The following POC1A variants were observed in gnomAD, a reference collection of about 807,000 sequenced individuals.
The protein encoded by POC1A is POC1 centriolar protein homolog A.
Under a neutral mutation model 47.8 loss-of-function variants are expected in POC1A, and 34 were observed. That is an observed-to-expected ratio of 0.71 (90% CI 0.54 to 0.95). POC1A has a LOEUF of 0.95. Among genes scored for constraint, POC1A ranks in the 40% least tolerant of loss-of-function variants. The pLI is 0.00. For synonymous variants in POC1A, 177 were observed against 207.6 expected, an observed-to-expected ratio of 0.85 and a Z score of 1.27; for missense variants, 466 against 528.3, an observed-to-expected ratio of 0.88 and a Z score of 1.16.
chr3:52,101,339 C>A (rs538471708), intron 9 of POC1A, among the ~76,000 whole-genome samples: 2 of 151,990 alleles, frequency 1.3e-5, no homozygotes, highest in East Asian at 3.9e-4. Context: ...TCTTTACTGT[C>A]CTAAGCATGA....
chr3:52,124,838 T>A (rs1034470728), intron 8 of POC1A, among the ~76,000 whole-genome samples: 1 of 152,194 alleles, frequency 6.6e-6, no homozygotes, highest in Non-Finnish European at 1.5e-5. Flanking sequence ...ACGACAACCA[T>A]AGCCCAGCCT....
intron 9 of POC1A, among the ~76,000 whole-genome samples, chr3:52,105,256 G>A (rs1222327909): frequency 6.6e-6 from 1 of 152,184 alleles, no homozygotes; most frequent in Admixed American, 6.5e-5. Flanking sequence ...GCTGCCCTGT[G>A]CAAAACTGGA....
At chr3:52,135,793 G>C (rs772541732) in intron 7 of POC1A, among the ~76,000 whole-genome samples, 8 of 152,186 alleles carry the variant, frequency 5.3e-5, no homozygotes, top group Non-Finnish European at 1.0e-4. Flanking sequence ...CACATCATTA[G>C]TAAGGACCCC....
At chr3:52,136,544 G>A (rs1169852696) in intron 7 of POC1A, among the ~76,000 whole-genome samples, 2 of 152,166 alleles carry the variant, frequency 1.3e-5, no homozygotes, top group Non-Finnish European at 2.9e-5. Context: ...CAGACAGATG[G>A]CAAAATGAAC....
chr3:52,132,660 C>A (rs1704263669), intron 7 of POC1A, among the ~76,000 whole-genome samples: 1 of 152,168 alleles, frequency 6.6e-6, no homozygotes, highest in African/African-American at 2.4e-5. Context: ...GAGAGAAGCA[C>A]CAGAATTCTT....
At chr3:52,122,763 C>T (rs571126150) in intron 8 of POC1A, among the ~76,000 whole-genome samples, 4 of 152,376 alleles carry the variant, frequency 2.6e-5, no homozygotes, top group South Asian at 2.1e-4. Context: ...GTCACAGGCC[C>T]GAGCTTCATG....
intron 10 of POC1A, among the ~76,000 whole-genome samples, chr3:52,077,606 C>T (rs182724918): frequency 7.9e-5 from 12 of 152,302 alleles, no homozygotes; most frequent in South Asian, 2.1e-4. Flanking sequence ...GCCAGCCAGC[C>T]GGGGAGGGGG....
At chr3:52,153,038 C>T (rs1698606188) in intron 1 of POC1A, among the ~76,000 whole-genome samples, 1 of 152,182 alleles carries the variant, frequency 6.6e-6, no homozygotes, top group Non-Finnish European at 1.5e-5. Context: ...AATGGTATGA[C>T]TGTTATTGAG....
chr3:52,153,819 A>AGCC (rs931071465), intron 1 of POC1A, among the ~76,000 whole-genome samples: 46 of 152,364 alleles, frequency 3.0e-4, no homozygotes, highest in African/African-American at 1.0e-3. Context: ...GCTACCACCC[A>AGCC]GCCTCCCTGA....
intron 6 of POC1A, among the ~76,000 whole-genome samples, chr3:52,144,110 G>T (rs1559849963): frequency 6.6e-6 from 1 of 152,152 alleles, no homozygotes; most frequent in East Asian, 1.9e-4. Flanking sequence ...AAGGCCTATT[G>T]CCACCCCCTT....
At chr3:52,109,417 T>C (rs1354231667) in intron 9 of POC1A, among the ~76,000 whole-genome samples, 1 of 152,206 alleles carries the variant, frequency 6.6e-6, no homozygotes, top group Non-Finnish European at 1.5e-5. Flanking sequence ...TACATTATTC[T>C]ATCTTTTGTG....
chr3:52,153,044 T>C (rs938711162), intron 1 of POC1A, among the ~76,000 whole-genome samples: 6 of 152,246 alleles, frequency 3.9e-5, no homozygotes, highest in Non-Finnish European at 5.9e-5. Context: ...ATGACTGTTA[T>C]TGAGTATGGA....
intron 9 of POC1A, among the ~76,000 whole-genome samples, chr3:52,097,380 T>A (rs1702854653): frequency 6.6e-6 from 1 of 152,234 alleles, no homozygotes; most frequent in Admixed American, 6.5e-5. Context: ...CTGGGCTGCT[T>A]CAGATAGGAC....
chr3:52,105,875 G>T (rs1703160067), intron 9 of POC1A, among the ~76,000 whole-genome samples: 1 of 152,192 alleles, frequency 6.6e-6, no homozygotes, highest in African/African-American at 2.4e-5. Flanking sequence ...ATGCCAGACT[G>T]CGAGTAGGGA....
At chr3:52,106,352 C>A (rs1703185070) in intron 9 of POC1A, among the ~76,000 whole-genome samples, 1 of 151,892 alleles carries the variant, frequency 6.6e-6, no homozygotes, top group Non-Finnish European at 1.5e-5. Flanking sequence ...AACATGGTGT[C>A]CTTTGGATTA....
rs576852742 is a variant in POC1A, at chr3:52,080,741, A to G, written c.1126-4756T>C. ...CTTTCACTGGCACTTGTGCCACTGC[A>G]GCATTAAGTGATCAGCCCCAAAACA... On this transcript the variant is annotated intron_variant, in intron 10 of 10. Transcript: ENST00000296484. Among the ~76,000 whole-genome samples, 8 of 152,372 alleles carry G rather than the reference A, an allele frequency of 5.3e-5. No homozygotes were observed. The East Asian group carries it at 1.2e-3, about 22-fold the overall frequency.
intron 9 of POC1A, among the ~76,000 whole-genome samples, chr3:52,111,656 A>T (rs1328073172): frequency 1.4e-5 from 2 of 146,176 alleles, no homozygotes; most frequent in South Asian, 2.2e-4. Flanking sequence ...CAAAATTAAA[A>T]AAAAAAAAAA....
intron 1 of POC1A, among the ~76,000 whole-genome samples, chr3:52,153,827 T>G (rs1418013326): frequency 6.6e-6 from 1 of 152,238 alleles, no homozygotes; most frequent in Non-Finnish European, 1.5e-5. Flanking sequence ...CCAGCCTCCC[T>G]GACTCTCCAA....
chr3:52,151,662 T>A (rs1025504584), intron 1 of POC1A, among the ~76,000 whole-genome samples: 5 of 150,304 alleles, frequency 3.3e-5, no homozygotes. Context: ...GCAGGACTTG[T>A]ACAGTAAAGA....
Sources: gnomAD v4.1 joint callset for allele counts (sites outside exome capture counted in the v4.1 genomes callset) on GRCh38, gnomAD v4.1.1 for gene constraint, MANE v1.5 for transcripts, NCBI Gene and HGNC (gene_info 2026-07-23, HGNC 2026-07-21) for gene names.